The following ZFHX3 variants were observed in gnomAD, a reference collection of about 807,000 sequenced individuals.
The protein encoded by ZFHX3 is zinc finger homeobox protein 3.
Under a neutral mutation model 279.1 loss-of-function variants are expected in ZFHX3, and 42 were observed. The observed-to-expected ratio is 0.15, with a 90% CI of 0.12 to 0.19. ZFHX3 has a LOEUF of 0.19. Ranked by LOEUF, ZFHX3 falls within the 10% of genes least tolerant of loss-of-function variation. The pLI, the probability that ZFHX3 is intolerant of heterozygous loss-of-function variation, is 1.00. For synonymous variants in ZFHX3, 2,293 were observed against 1,957.8 expected (o/e 1.17, Z -4.52); for missense variants, 4,981 against 4,754.0 (o/e 1.05, Z -1.40).
At chr16:73,220,432 T>A (rs760690137) in intron 5 of ZFHX3, among the ~76,000 whole-genome samples, 47 of 151,474 alleles carry the variant, frequency 3.1e-4, no homozygotes, top group Non-Finnish European at 5.6e-4. Flanking sequence ...GTAAACCAAT[T>A]AAAAAAAAGG....
intron 1 of ZFHX3, among the ~76,000 whole-genome samples, chr16:73,017,605 C>T (rs964789330): frequency 4.6e-5 from 7 of 152,268 alleles, no homozygotes; most frequent in African/African-American, 1.7e-4. Context: ...CCTCTCTGGT[C>T]TTTAGCACAA....
intron 3 of ZFHX3, among the ~76,000 whole-genome samples, chr16:73,415,696 G>A (rs946391789): frequency 5.3e-5 from 8 of 152,120 alleles, no homozygotes; most frequent in African/African-American, 1.9e-4. Context: ...TCCCGTCACC[G>A]CCCCATGTTC....
Position 73,519,116 on chromosome 16 carries a change from C to A in ZFHX3, c.-1546-62858G>T, listed in dbSNP as rs148580315. 1.2e-3 allele frequency among the ~76,000 whole-genome samples: 186 copies of A among 152,240 alleles called. 1 individual carries two copies. Among genetic ancestry groups the A allele is most frequent in the East Asian group, 2.7e-3 (14 of 5,188 alleles). Reference sequence around the variant, plus strand: ...AAGGGGAGATCTGCTGAATTCCAGACGGTTGAAAATGACCCATTCTTCTTG... The same window carrying A: ...AAGGGGAGATCTGCTGAATTCCAGAAGGTTGAAAATGACCCATTCTTCTTG... On this transcript the variant is annotated intron_variant, in intron 2 of 17. Transcript: ENST00000641206.
intron 3 of ZFHX3, among the ~76,000 whole-genome samples, chr16:73,350,395 T>C (rs2016216579): frequency 6.6e-6 from 1 of 152,204 alleles, no homozygotes; most frequent in East Asian, 1.9e-4. Flanking sequence ...AGTGAAATCT[T>C]CAGCTGTCAA....
At chr16:73,829,261 C>T (rs1388975463) in intron 1 of ZFHX3, among the ~76,000 whole-genome samples, 3 of 104,994 alleles carry the variant, frequency 2.9e-5, no homozygotes, top group Admixed American at 1.8e-4. Flanking sequence ...TCCATCAGCT[C>T]CTTTAAGCAC....
chr16:73,651,560 G>A (rs990520311), intron 2 of ZFHX3, among the ~76,000 whole-genome samples: 3 of 151,562 alleles, frequency 2.0e-5, no homozygotes, highest in East Asian at 1.9e-4. Context: ...AGACAAGGCC[G>A]GGCACGGTGG....
At chr16:73,079,000 T>C (rs1965915012) in intron 8 of ZFHX3, among the ~76,000 whole-genome samples, 1 of 152,122 alleles carries the variant, frequency 6.6e-6, no homozygotes, top group Non-Finnish European at 1.5e-5. Context: ...TCACATTACC[T>C]TATGGTGCCT....
At chr16:73,561,680 C>T (rs887023353) in intron 2 of ZFHX3, among the ~76,000 whole-genome samples, 1 of 152,110 alleles carries the variant, frequency 6.6e-6, no homozygotes, top group East Asian at 1.9e-4. Flanking sequence ...AACTAACTCT[C>T]TCCCAGTGAT....
At chr16:73,457,963 A>C (rs1175278029) in intron 2 of ZFHX3, among the ~76,000 whole-genome samples, 1 of 152,106 alleles carries the variant, frequency 6.6e-6, no homozygotes, top group Non-Finnish European at 1.5e-5. Context: ...AGGGGCACTT[A>C]AGCTCAGGTG....
In ZFHX3 at chr16:73,401,633, T is replaced by C. The variant is rs906776681; in HGVS notation, c.-1291+54370A>G. The C allele has an allele frequency of 5.9e-5, 9 of 151,984 alleles. No individual in the cohort carries two copies. The South Asian group carries it at 8.3e-4, about 14-fold the overall frequency. The allele number at this position is 151,984 out of a possible 1,614,324, so 9.4% of individuals were successfully genotyped here. A position where few individuals can be genotyped will look rare whatever the true frequency, so the allele number is the denominator to read the frequency against. ...GGCACAAAGCCCAGCCCTGTCCCCT[T>C]GGCTGGCCGGCTCTGAGCATCCTGA... On this transcript the variant is annotated intron_variant, in intron 3 of 17. Transcript: ENST00000641206.
intron 1 of ZFHX3, among the ~76,000 whole-genome samples, chr16:72,974,644 C>T (rs927334819): frequency 1.3e-5 from 2 of 151,960 alleles, no homozygotes; most frequent in African/African-American, 4.8e-5. Flanking sequence ...TTCAGATATC[C>T]CTGGCCTGCT....
At chr16:73,836,507 T>A (rs756324620) in intron 1 of ZFHX3, among the ~76,000 whole-genome samples, 4 of 152,204 alleles carry the variant, frequency 2.6e-5, no homozygotes, top group Admixed American at 1.3e-4. Context: ...AATCCTCAAA[T>A]GTAACTGAAG....
chr16:73,468,595 G>C (rs970522793), intron 2 of ZFHX3, among the ~76,000 whole-genome samples: 2 of 152,162 alleles, frequency 1.3e-5, no homozygotes, highest in Non-Finnish European at 2.9e-5. Context: ...ATATTAGCCA[G>C]GTGTGGTGGG....
rs1441910057 is a variant in ZFHX3, at chr16:72,786,180, A to G, written c.*984T>C. 1 of 152,434 alleles carries G rather than the reference A, an allele frequency of 6.6e-6. No individual in the cohort carries two copies. The highest frequency in any genetic ancestry group is 1.5e-5 in the Non-Finnish European group (1 of 68,024). The allele number at this position is 152,434 out of a possible 1,614,324, so 9.4% of individuals were successfully genotyped here. A position where few individuals can be genotyped will look rare whatever the true frequency, so the allele number is the denominator to read the frequency against. ...ATCTATCATCTGCTAGGAATGAACAAGACAACATCAAATGAGGAGCTGTCA... is the reference window on the plus strand; with the variant it reads ...ATCTATCATCTGCTAGGAATGAACAGGACAACATCAAATGAGGAGCTGTCA... On this transcript the variant is annotated 3_prime_UTR_variant, in exon 10 of 10. Transcript: ENST00000268489.
intron 3 of ZFHX3, among the ~76,000 whole-genome samples, chr16:73,404,359 G>A (rs1008930498): frequency 6.6e-6 from 1 of 152,200 alleles, no homozygotes; most frequent in African/African-American, 2.4e-5. Flanking sequence ...AGACATGAAA[G>A]TGACCATCTT....
chr16:73,669,298 C>T (rs2052878034), intron 2 of ZFHX3, among the ~76,000 whole-genome samples: 1 of 152,222 alleles, frequency 6.6e-6, no homozygotes, highest in Non-Finnish European at 1.5e-5. Context: ...AGGTAATCCA[C>T]CCGCCTTGGC....
At chr16:73,171,509 G>A (rs570980087) in intron 5 of ZFHX3, among the ~76,000 whole-genome samples, 1 of 136,254 alleles carries the variant, frequency 7.3e-6, no homozygotes, top group African/African-American at 2.6e-5. Context: ...GGGCGGGGTG[G>A]GGGGCGGGCA....
At chr16:73,503,491 T>A (rs1176132132) in intron 2 of ZFHX3, among the ~76,000 whole-genome samples, 3 of 152,172 alleles carry the variant, frequency 2.0e-5, no homozygotes, top group African/African-American at 7.2e-5. Context: ...GGGGTGGTAC[T>A]CCATGGCGGC....
chr16:73,780,588 T>A (rs1470360834), intron 1 of ZFHX3, among the ~76,000 whole-genome samples: 1 of 151,904 alleles, frequency 6.6e-6, no homozygotes. Flanking sequence ...ATTACAGGCA[T>A]GCGCCACCAC....
Sources: gnomAD v4.1 joint callset for allele counts (sites outside exome capture counted in the v4.1 genomes callset) on GRCh38, gnomAD v4.1.1 for gene constraint, MANE v1.5 for transcripts, NCBI Gene and HGNC (gene_info 2026-07-23, HGNC 2026-07-21) for gene names.